LHFPL4: variants seen among roughly 807,000 people sequenced by gnomAD.
The protein encoded by LHFPL4 is LHFPL tetraspan subfamily member 4, also known as LHFPL tetraspan subfamily member 4 protein.
A neutral mutation model predicts 20.0 loss-of-function variants in LHFPL4; 6 were observed. The observed-to-expected ratio is 0.30, with a 90% confidence interval of 0.16 to 0.59. The LOEUF (loss-of-function observed/expected upper bound fraction) is 0.59. Ranked by LOEUF, LHFPL4 falls within the 20% of genes least tolerant of loss-of-function variation. The probability of loss-of-function intolerance (pLI) is 0.88; values close to 1 mark genes in which losing one functional copy is unlikely to be tolerated. For missense variants in LHFPL4, 215 were observed against 331.2 expected (o/e 0.65, Z 2.72); for synonymous variants, 129 against 143.8 (o/e 0.90, Z 0.74).
chr3:9,504,641 C>T lies in LHFPL4; in HGVS notation c.643+1326G>A, dbSNP rs528789823. On this transcript the variant is annotated intron_variant, in intron 3 of 3. Transcript: ENST00000287585. ...AAGATCGAGACCATCCTGGCTAACACGGTGAAACCCCATCTCCACTAAAAA... is the reference window on the plus strand; with the variant it reads ...AAGATCGAGACCATCCTGGCTAACATGGTGAAACCCCATCTCCACTAAAAA... 6.6e-5 allele frequency among the ~76,000 whole-genome samples: 10 copies of T among 152,034 alleles called. No homozygotes were observed. In the East Asian group the frequency reaches 9.7e-4, roughly 15 times the overall value.
chr3:9,522,146 A>C (rs116425026), intron 2 of LHFPL4, among the ~76,000 whole-genome samples: 2,858 of 151,656 alleles, frequency 0.019, 95 homozygotes, highest in African/African-American at 0.062. Flanking sequence ...AGGCAGTACA[A>C]GTACCTTATT....
At chr3:9,520,196 T>C (rs1445740102) in intron 2 of LHFPL4, among the ~76,000 whole-genome samples, 15 of 152,118 alleles carry the variant, frequency 9.9e-5, no homozygotes, top group Non-Finnish European at 2.9e-5. Context: ...GGGCTCACAA[T>C]TGTAACCCTG....
At chr3:9,553,285 A>C (rs1295018173) in intron 1 of LHFPL4, among the ~76,000 whole-genome samples, 2 of 139,428 alleles carry the variant, frequency 1.4e-5, no homozygotes, top group Non-Finnish European at 3.1e-5. Context: ...GGAAGGTAAT[A>C]TGGGGGCTGG....
rs910925893 is a variant in LHFPL4, at chr3:9,498,462, A to C, written c.*3749T>G. 6.5e-6 allele frequency: 1 copy of C among 152,762 alleles called. No homozygotes were observed. The highest frequency in any genetic ancestry group is 2.4e-5 in the African/African-American group (1 of 41,464). The allele number at this position is 152,762 out of a possible 1,614,324, so 9.5% of individuals were successfully genotyped here. A position where few individuals can be genotyped will look rare whatever the true frequency, so the allele number is the denominator to read the frequency against. ...GGTCAGGACCAAAATAAATGTTACC[A>C]AATTAGACAATGAACAGCGAGGACA... On this transcript the variant is annotated 3_prime_UTR_variant, in exon 4 of 4. Transcript: ENST00000287585.
intron 3 of LHFPL4, 94 bp downstream of exon 3, chr3:9,505,873 A>C: frequency 8.2e-7 from 1 of 1,222,854 alleles, no homozygotes; most frequent in South Asian, 1.3e-5. Flanking sequence ...TTTCCAATTC[A>C]TGCAACCCTC....
chr3:9,516,009 C>T (rs2046298520), intron 2 of LHFPL4, among the ~76,000 whole-genome samples: 1 of 152,154 alleles, frequency 6.6e-6, no homozygotes, highest in Non-Finnish European at 1.5e-5. Flanking sequence ...ACCATGGCAC[C>T]CGGCCCAGAT....
At chr3:9,551,216 T>C (rs2046551199) in intron 2 of LHFPL4, among the ~76,000 whole-genome samples, 1 of 152,200 alleles carries the variant, frequency 6.6e-6, no homozygotes, top group Non-Finnish European at 1.5e-5. Context: ...CAGTCACTTG[T>C]TGAATGTCCT....
rs185924583 is a variant in LHFPL4, at chr3:9,533,578, C to T, written c.406+18696G>A. 3.9e-5 allele frequency among the ~76,000 whole-genome samples: 6 copies of T among 152,262 alleles called. No homozygotes were observed. The South Asian group carries it at 6.2e-4, about 16-fold the overall frequency. On this transcript the variant is annotated intron_variant, in intron 2 of 3. Transcript: ENST00000287585. ...TGGGCGGATCACGAGGTCAGGAGATCGAGACCATCCTGGCTAACATGATGA... is the reference window on the plus strand; with the variant it reads ...TGGGCGGATCACGAGGTCAGGAGATTGAGACCATCCTGGCTAACATGATGA...
At chr3:9,519,085 A>T (rs1416909351) in intron 2 of LHFPL4, among the ~76,000 whole-genome samples, 1 of 151,946 alleles carries the variant, frequency 6.6e-6, no homozygotes, top group Non-Finnish European at 1.5e-5. Context: ...TTACAGGCGC[A>T]TGCCACCATG....
intron 2 of LHFPL4, among the ~76,000 whole-genome samples, chr3:9,511,390 C>T (rs2046260191): frequency 1.3e-5 from 2 of 151,914 alleles, no homozygotes. Flanking sequence ...AAAAATACCA[C>T]CCTCATTATA....
chr3:9,552,131 C>A (rs1236175338), intron 2 of LHFPL4, 143 bp downstream of exon 2: 5 of 1,065,770 alleles, frequency 4.7e-6, no homozygotes, highest in Non-Finnish European at 5.3e-6. Context: ...CCCCAATACC[C>A]ACTGAGGGTC....
chr3:9,553,386 G>C (rs1371885916), intron 1 of LHFPL4, among the ~76,000 whole-genome samples: 6 of 150,736 alleles, frequency 4.0e-5, no homozygotes, highest in African/African-American at 1.2e-4. Context: ...TGGGACTGCT[G>C]GACACGGGGC....
chr3:9,499,526 T>TGTTG lies in LHFPL4; in HGVS notation c.*2681_*2684dup, dbSNP rs1276066522. The stretch of plus-strand genomic sequence containing the variant: ...CTGGCCAGGTGCGGTGGAATGGGAA[T>TGTTG]GTTGCCAGGCTACCCCACCAGGGAA... On this transcript the variant is annotated 3_prime_UTR_variant, in exon 4 of 4. Coordinates refer to ENST00000287585, the MANE Select transcript of LHFPL4 (RefSeq NM_198560.3). 6.6e-6 allele frequency: 1 copy of TGTTG among 152,348 alleles called. No homozygotes were observed. Among genetic ancestry groups the TGTTG allele is most frequent in the Non-Finnish European group, 1.5e-5 (1 of 68,156 alleles). 9.4% of individuals were successfully genotyped at this position (152,348 alleles called of 1,614,324 possible).
At chr3:9,511,249 G>T (rs190932656) in intron 2 of LHFPL4, among the ~76,000 whole-genome samples, 1 of 151,930 alleles carries the variant, frequency 6.6e-6, no homozygotes, top group South Asian at 2.1e-4. Flanking sequence ...TACTCGGGAG[G>T]CTGAGGCAGG....
At chr3:9,523,096 G>A (rs1175362763) in intron 2 of LHFPL4, among the ~76,000 whole-genome samples, 9 of 144,208 alleles carry the variant, frequency 6.2e-5, no homozygotes, top group South Asian at 4.6e-4. Context: ...AAGAAAGAGA[G>A]AGAGAGAGAG....
In LHFPL4 at chr3:9,552,353, G is replaced by A. The variant is rs749683032; in HGVS notation, c.327C>T (p.Cys109=). 1 of 1,613,942 alleles carries A rather than the reference G, an allele frequency of 6.2e-7. No homozygotes were observed. The highest frequency in any genetic ancestry group is 1.1e-5 in the South Asian group (1 of 91,064). ...AGAAGAAAAGCGAAAAGCAGGTGAT[G>A]CAGCCGAGGATCAGCACCATGGAGA... The part of the protein sequence containing the change: ...VLLSMVLILG[C]ITCFSLFFFC... The change falls in exon 2 of 4, where the codon TGC becomes TGT. Residue 109 remains cysteine (C), a synonymous_variant. Transcript: ENST00000287585.
intron 2 of LHFPL4, among the ~76,000 whole-genome samples, chr3:9,524,245 G>T (rs2046359886): frequency 6.6e-6 from 1 of 150,722 alleles, no homozygotes; most frequent in Admixed American, 6.6e-5. Flanking sequence ...GGCATATCCT[G>T]CATGGTGTTC....
At chr3:9,518,485 T>G (rs983814651) in intron 2 of LHFPL4, among the ~76,000 whole-genome samples, 15 of 152,208 alleles carry the variant, frequency 9.9e-5, no homozygotes, top group African/African-American at 2.9e-4. Context: ...AGAATTCTTG[T>G]AATTTCTTCC....
chr3:9,542,034 C>T (rs902170774), intron 2 of LHFPL4, among the ~76,000 whole-genome samples: 1 of 152,060 alleles, frequency 6.6e-6, no homozygotes, highest in Non-Finnish European at 1.5e-5. Flanking sequence ...GCCTGTAATC[C>T]CAGCATTTTG....
Sources: allele counts gnomAD v4.1 joint callset (sites outside exome capture counted in the v4.1 genomes callset), GRCh38; gene constraint gnomAD v4.1.1; transcripts MANE v1.5; gene names NCBI Gene and HGNC (gene_info 2026-07-23, HGNC 2026-07-21).